Variants in PPP6R3 observed in about 807,000 individuals in gnomAD.
The protein encoded by PPP6R3 is protein phosphatase 6 regulatory subunit 3.
Under a neutral mutation model 110.7 loss-of-function variants are expected in PPP6R3, and 38 were observed. The ratio of observed to expected loss-of-function variants is 0.34; its 90% CI spans 0.26 to 0.45. The LOEUF (loss-of-function observed/expected upper bound fraction) is 0.45. Among genes scored for constraint, PPP6R3 ranks in the 20% least tolerant of loss-of-function variants. The pLI is 1.00. For missense variants in PPP6R3, 870 were observed against 1,062.4 expected, an observed-to-expected ratio of 0.82 and a Z score of 2.52; for synonymous variants, 369 against 373.5, an observed-to-expected ratio of 0.99 and a Z score of 0.14.
intron 2 of PPP6R3, among the ~76,000 whole-genome samples, chr11:68,528,442 G>GA (rs1222059473): frequency 1.4e-5 from 2 of 143,460 alleles, no homozygotes; most frequent in Admixed American, 1.4e-4. Flanking sequence ...GTGGGGGGGG[G>GA]GGCTGCACCT....
rs558747330 is a variant in PPP6R3 at position 68,505,650 on chromosome 11, A to G, written c.-157-13851A>G. 5.3e-5 allele frequency among the ~76,000 whole-genome samples: 8 copies of G among 152,140 alleles called. No homozygotes were observed. In the East Asian group the frequency reaches 1.5e-3, roughly 29 times the overall value. ...AAACCTGATTACTTTTCACCAACCT[A>G]ATATAAGTAGTTAAAATTAATTTAA... On this transcript the variant is annotated intron_variant, in intron 1 of 23. Transcript: ENST00000393800.
chr11:68,504,800 T>C (rs1441425858), intron 1 of PPP6R3, among the ~76,000 whole-genome samples: 2 of 152,206 alleles, frequency 1.3e-5, no homozygotes, highest in Non-Finnish European at 2.9e-5. Context: ...CACCTGACTG[T>C]ATAGAACTTT....
intron 9 of PPP6R3, among the ~76,000 whole-genome samples, chr11:68,566,209 T>C (rs951278886): frequency 2.9e-4 from 44 of 152,044 alleles, no homozygotes; most frequent in African/African-American, 1.1e-3. Flanking sequence ...AAACCACTTG[T>C]AGCAACTACT....
chr11:68,590,281 G>A (rs1347926743), intron 16 of PPP6R3, among the ~76,000 whole-genome samples: 1 of 152,212 alleles, frequency 6.6e-6, no homozygotes, highest in African/African-American at 2.4e-5. Context: ...GAAAACTCAA[G>A]TGTCTGACAG....
intron 1 of PPP6R3, among the ~76,000 whole-genome samples, chr11:68,511,160 C>T (rs541016304): frequency 7.9e-5 from 12 of 150,978 alleles, no homozygotes; most frequent in South Asian, 2.1e-4. Context: ...CTCTGCCTCC[C>T]GGGTTCAAGC....
chr11:68,475,131 T>C (rs1270781702), intron 1 of PPP6R3, among the ~76,000 whole-genome samples: 1 of 152,156 alleles, frequency 6.6e-6, no homozygotes, highest in African/African-American at 2.4e-5. Context: ...AGGAGCATGC[T>C]GCCTTCAAGT....
intron 2 of PPP6R3, among the ~76,000 whole-genome samples, chr11:68,533,722 A>G (rs2153631155): frequency 6.6e-6 from 1 of 151,918 alleles, no homozygotes. Flanking sequence ...AAAAAAAAAA[A>G]AAAAAAAGGA....
At chr11:68,573,130 AT>A (rs1565933701) in intron 12 of PPP6R3, among the ~76,000 whole-genome samples, 6 of 87,224 alleles carry the variant, frequency 6.9e-5, no homozygotes, top group South Asian at 4.6e-4. Flanking sequence ...ATATATATAT[AT>A]ATATATATAT....
chr11:68,524,009 A>G (rs2099181515), intron 2 of PPP6R3, among the ~76,000 whole-genome samples: 1 of 152,152 alleles, frequency 6.6e-6, no homozygotes, highest in South Asian at 2.1e-4. Flanking sequence ...GCCCAAATGT[A>G]GCCATGTATT....
At chr11:68,566,515 C>T (rs147788287) in intron 9 of PPP6R3, among the ~76,000 whole-genome samples, 1,553 of 152,214 alleles carry the variant, frequency 0.01, 10 homozygotes, top group African/African-American at 0.012. Context: ...TGTGCATCAC[C>T]ATGCCTGGCT....
intron 1 of PPP6R3, among the ~76,000 whole-genome samples, chr11:68,486,507 A>T (rs986887835): frequency 1.3e-5 from 2 of 149,912 alleles, no homozygotes; most frequent in Admixed American, 1.3e-4. Flanking sequence ...TGGGAGGCTG[A>T]GGCAGGAGAA....
chr11:68,527,396 G>A (rs2099204699), intron 2 of PPP6R3, among the ~76,000 whole-genome samples: 1 of 152,098 alleles, frequency 6.6e-6, no homozygotes. Context: ...GTCTGTCTTA[G>A]CACCGTGACC....
chr11:68,513,769 T>C (rs1226901867), intron 1 of PPP6R3, among the ~76,000 whole-genome samples: 2 of 152,226 alleles, frequency 1.3e-5, no homozygotes, highest in African/African-American at 2.4e-5. Flanking sequence ...TTTATGCGTT[T>C]TTTGCACATT....
chr11:68,579,774 T>G (rs116565843), intron 14 of PPP6R3, among the ~76,000 whole-genome samples: 86 of 152,346 alleles, frequency 5.6e-4, no homozygotes, highest in African/African-American at 2.0e-3. Context: ...GTTTTTTATT[T>G]GTAGATACAC....
At chr11:68,597,981 GA>G (rs376459321) in intron 19 of PPP6R3, among the ~76,000 whole-genome samples, 3,126 of 145,752 alleles carry the variant, frequency 0.021, 57 homozygotes, top group Middle Eastern at 0.049. Context: ...TCCATCTGGG[GA>G]AAAAAAAAAA....
At chr11:68,585,084 A>T (rs1196287493) in intron 15 of PPP6R3, among the ~76,000 whole-genome samples, 3 of 152,232 alleles carry the variant, frequency 2.0e-5, no homozygotes, top group Non-Finnish European at 4.4e-5. Context: ...CTCAGGGCAG[A>T]TAATTTAACC....
At position 68,547,936 on chromosome 11, in the gene PPP6R3, T is replaced by C. The variant is rs991471768; in HGVS notation, c.415-131T>C. The C allele has an allele frequency of 1.9e-5, 17 of 902,008 alleles. No homozygotes were observed. The Admixed American group carries it at 3.8e-4, about 20-fold the overall frequency. The allele number at this position is 902,008 out of a possible 1,614,324, so 55.9% of individuals were successfully genotyped here. ...GCTTTCCAATTTGATACCTTGTTGC[T>C]AATTCAGCATTTGCCATTTCTCAAC... On this transcript the variant is annotated intron_variant, in intron 4 of 23. Coordinates refer to ENST00000393800, the MANE Select transcript of PPP6R3 (RefSeq NM_001164161.2).
rs148952381 is a variant in PPP6R3 at position 68,540,820 on chromosome 11, G to A, written c.227+2929G>A. On this transcript the variant is annotated intron_variant, in intron 3 of 23. Transcript: ENST00000393800. ...AAGAAGAGAAATATGGCTCTGTTCC[G>A]CCTGGCTCACCTGCGGTCAGAGTTT... Among the ~76,000 whole-genome samples, 451 of 152,264 alleles carry A rather than the reference G, an allele frequency of 3.0e-3. 3 individuals carry two copies. The highest frequency in any genetic ancestry group is 0.01 in the African/African-American group (425 of 41,540).
At chr11:68,549,644 G>GT (rs2153692424) in intron 5 of PPP6R3, among the ~76,000 whole-genome samples, 1 of 152,246 alleles carries the variant, frequency 6.6e-6, no homozygotes, top group South Asian at 2.1e-4. Context: ...CAGGGAGGGG[G>GT]TTATCACCTT....
Sources: gnomAD v4.1 joint callset for allele counts (sites outside exome capture counted in the v4.1 genomes callset) on GRCh38, gnomAD v4.1.1 for gene constraint, MANE v1.5 for transcripts, NCBI Gene and HGNC (gene_info 2026-07-23, HGNC 2026-07-21) for gene names.